HDAC9: variants seen among roughly 807,000 people sequenced by gnomAD.
HDAC9 encodes histone deacetylase 9, also known as MEF-2 interacting transcription repressor (MITR) protein.
In HDAC9, 41 loss-of-function variants were observed where a neutral mutation model predicts 139.4. That is an observed-to-expected ratio of 0.29 (90% CI 0.23 to 0.38). The LOEUF (loss-of-function observed/expected upper bound fraction) is 0.38. Ranked by LOEUF, HDAC9 falls within the 10% of genes least tolerant of loss-of-function variation. HDAC9 has a pLI of 1.00. For missense variants in HDAC9, 1,147 were observed against 1,297.0 expected, an observed-to-expected ratio of 0.88 and a Z score of 1.78; for synonymous variants, 517 against 476.2, an observed-to-expected ratio of 1.09 and a Z score of -1.12.
intron 22 of HDAC9, among the ~76,000 whole-genome samples, chr7:18,893,557 A>G (rs1174317060): frequency 6.6e-6 from 1 of 152,176 alleles, no homozygotes; most frequent in Non-Finnish European, 1.5e-5. Flanking sequence ...TAACTTAATG[A>G]AACTATGTAT....
intron 6 of HDAC9, among the ~76,000 whole-genome samples, chr7:18,624,478 C>T (rs1280013221): frequency 1.3e-5 from 2 of 152,092 alleles, no homozygotes; most frequent in Admixed American, 1.3e-4. Context: ...AAAAGCTTGC[C>T]TTCTGTTTCT....
chr7:18,597,862 C>T (rs948310867), intron 6 of HDAC9, among the ~76,000 whole-genome samples: 3 of 152,086 alleles, frequency 2.0e-5, no homozygotes, highest in African/African-American at 7.2e-5. Flanking sequence ...GAGACTTTTC[C>T]AGCCCCACTG....
intron 6 of HDAC9, among the ~76,000 whole-genome samples, chr7:18,612,231 T>A (rs1633775): frequency 2.0e-5 from 3 of 151,998 alleles, no homozygotes; most frequent in Non-Finnish European, 4.4e-5. Context: ...AGGGATCTTT[T>A]GTTTGTAGTA....
chr7:18,916,105 T>C (rs1563053099), intron 22 of HDAC9, among the ~76,000 whole-genome samples: 1 of 151,668 alleles, frequency 6.6e-6, no homozygotes. Context: ...TGTTCTTGCA[T>C]TTTCTTGGGA....
intron 1 of HDAC9, chr7:18,458,786 C>T (rs1793576665): frequency 8.9e-6 from 11 of 1,240,290 alleles, no homozygotes; most frequent in Non-Finnish European, 1.3e-5. Context: ...TTGCTTGTCA[C>T]TCCAACTCCC....
At chr7:18,857,361 G>GTGTGTGTGTGTGTGTGTGTGTA (rs1562994705) in intron 21 of HDAC9, among the ~76,000 whole-genome samples, 3 of 151,460 alleles carry the variant, frequency 2.0e-5, no homozygotes, top group African/African-American at 7.3e-5. Flanking sequence ...GTGTGTGTGT[G>GTGTGTGTGTGTGTGTGTGTGTA]TGTATGTATG....
At chr7:18,470,032 A>G (rs1411344476) in intron 1 of HDAC9, among the ~76,000 whole-genome samples, 1 of 152,122 alleles carries the variant, frequency 6.6e-6, no homozygotes, top group Non-Finnish European at 1.5e-5. Flanking sequence ...ACAAGTATAT[A>G]TATTTTTTTA....
intron 1 of HDAC9, among the ~76,000 whole-genome samples, chr7:18,112,916 GT>G (rs2128084997): frequency 6.6e-6 from 1 of 152,194 alleles, no homozygotes; most frequent in Non-Finnish European, 1.5e-5. Context: ...TTGGGAGAGC[GT>G]TTGTTTGTTT....
upstream of HDAC9, among the ~76,000 whole-genome samples, chr7:18,286,333 C>T (rs1385145762): frequency 1.3e-5 from 2 of 150,818 alleles, no homozygotes; most frequent in Non-Finnish European, 3.0e-5. Context: ...TCTATCCAGT[C>T]TAGTGGTACA....
At chr7:18,608,873 A>G (rs1836282099) in intron 6 of HDAC9, among the ~76,000 whole-genome samples, 1 of 152,216 alleles carries the variant, frequency 6.6e-6, no homozygotes, top group South Asian at 2.1e-4. Flanking sequence ...TTAATTCAGC[A>G]GTTGAACAGT....
chr7:18,679,609 C>G (rs1438386640), intron 12 of HDAC9, among the ~76,000 whole-genome samples: 1 of 146,718 alleles, frequency 6.8e-6, no homozygotes, highest in African/African-American at 2.5e-5. Context: ...CTCTTTCTTT[C>G]TCTCTCTTTC....
intron 1 of HDAC9, among the ~76,000 whole-genome samples, chr7:18,087,603 CTT>C (rs1170473842): frequency 6.6e-6 from 1 of 152,140 alleles, no homozygotes; most frequent in Non-Finnish European, 1.5e-5. Context: ...TGGGGGGTAC[CTT>C]TGATGTTTCG....
chr7:18,507,554 G>A (rs902949710), intron 2 of HDAC9, among the ~76,000 whole-genome samples: 3 of 152,040 alleles, frequency 2.0e-5, no homozygotes, highest in African/African-American at 7.2e-5. Context: ...GAGTGCAATG[G>A]CGCCCTCTTG....
chr7:18,727,625 G>C lies in HDAC9; in HGVS notation c.1777G>C (p.Ala593Pro), dbSNP rs762371096. 1.3e-6 allele frequency: 2 copies of C among 1,588,334 alleles called. No individual in the cohort carries two copies. The highest frequency in any genetic ancestry group is 2.7e-5 in the African/African-American group (2 of 73,190). The change falls in exon 13 of 26, where the codon GCT becomes CCT. Residue 593 changes from alanine to proline, a missense_variant. Physicochemically the swap from Ala to Pro is conservative, Grantham distance 27. Coordinates refer to ENST00000686413, the MANE Select transcript of HDAC9 (RefSeq NM_178425.4). ...CACACGTGCGCTCTCTGTGCGCCAA[G>C]CTCCGCTGGCTGCGGTTGGCATGGA... is the stretch of plus-strand genomic sequence containing the variant. ...THTRALSVRQ[A>P]PLAAVGMDGL...
intron 1 of HDAC9, among the ~76,000 whole-genome samples, chr7:18,411,816 G>GTTTTTTTTTTT (rs1280818174): frequency 2.2e-5 from 2 of 89,424 alleles, no homozygotes; most frequent in Non-Finnish European, 2.2e-5. Context: ...ATTTCAACTT[G>GTTTTTTTTTTT]CTTTTTTTTT....
chr7:18,850,779 A>T (rs1409536110), intron 21 of HDAC9, among the ~76,000 whole-genome samples: 2 of 152,172 alleles, frequency 1.3e-5, no homozygotes, highest in Non-Finnish European at 2.9e-5. Flanking sequence ...GAGGCTGAGA[A>T]GCCCAAGATT....
At chr7:18,980,707 C>T (rs899806329) in intron 25 of HDAC9, among the ~76,000 whole-genome samples, 25 of 126,082 alleles carry the variant, frequency 2.0e-4, no homozygotes, top group African/African-American at 7.0e-4. Context: ...CCTTCTTCTT[C>T]CTTCTTCCTC....
intron 12 of HDAC9, among the ~76,000 whole-genome samples, chr7:18,670,154 A>G (rs558011851): frequency 2.0e-5 from 3 of 152,078 alleles, no homozygotes; most frequent in South Asian, 2.1e-4. Flanking sequence ...AAGGTTTACA[A>G]TGATAAATAG....
chr7:18,926,799 C>T (rs1295038769), intron 22 of HDAC9, among the ~76,000 whole-genome samples: 2 of 152,080 alleles, frequency 1.3e-5, no homozygotes, highest in Non-Finnish European at 2.9e-5. Flanking sequence ...ACAATTTATT[C>T]ATTTGCTTTC....
Sources: allele counts gnomAD v4.1 joint callset (sites outside exome capture counted in the v4.1 genomes callset), GRCh38; gene constraint gnomAD v4.1.1; transcripts MANE v1.5; gene names NCBI Gene and HGNC (gene_info 2026-07-23, HGNC 2026-07-21).